NRXN1: variants seen among roughly 807,000 people sequenced by gnomAD.
NRXN1 encodes the protein neurexin 1.
Under a neutral mutation model 150.9 loss-of-function variants are expected in NRXN1, and 39 were observed. The observed-to-expected ratio is 0.26, with a 90% CI of 0.20 to 0.34. The LOEUF (loss-of-function observed/expected upper bound fraction) is 0.34. NRXN1 is among the 10% of genes least tolerant of loss of function. The probability of loss-of-function intolerance (pLI) is 1.00; values close to 1 mark genes in which losing one functional copy is unlikely to be tolerated. For missense variants in NRXN1, 1,815 were observed against 1,949.9 expected (o/e 0.93, Z 1.30); for synonymous variants, 924 against 757.0 (o/e 1.22, Z -3.62).
At chr2:50,830,062 C>CAAATAGAA (rs956878531) in intron 5 of NRXN1, among the ~76,000 whole-genome samples, 9 of 132,772 alleles carry the variant, frequency 6.8e-5, no homozygotes, top group African/African-American at 2.7e-4. Flanking sequence ...CTGGCTGTGG[C>CAAATAGAA]AAATAGAACA....
At chr2:50,070,392 T>G (rs1439727737) in intron 19 of NRXN1, among the ~76,000 whole-genome samples, 1 of 152,148 alleles carries the variant, frequency 6.6e-6, no homozygotes, top group African/African-American at 2.4e-5. Context: ...GATCATGGGA[T>G]CAGTACTTTT....
At chr2:50,287,583 C>T (rs890488608) in intron 17 of NRXN1, among the ~76,000 whole-genome samples, 5 of 152,078 alleles carry the variant, frequency 3.3e-5, no homozygotes, top group African/African-American at 7.2e-5. Context: ...AAAAATAGCA[C>T]GTCTCTCAAG....
At chr2:50,678,717 T>C (rs1327542656) in intron 5 of NRXN1, among the ~76,000 whole-genome samples, 1 of 152,132 alleles carries the variant, frequency 6.6e-6, no homozygotes, top group Non-Finnish European at 1.5e-5. Flanking sequence ...TAATATTCTC[T>C]CCTCTTCCAT....
At chr2:51,007,403 A>G (rs1667191256) in intron 2 of NRXN1, among the ~76,000 whole-genome samples, 1 of 151,946 alleles carries the variant, frequency 6.6e-6, no homozygotes, top group Non-Finnish European at 1.5e-5. Flanking sequence ...GTGATACAAT[A>G]TAGAAACTAT....
intron 19 of NRXN1, among the ~76,000 whole-genome samples, chr2:50,082,487 A>T (rs368623415): frequency 6.6e-6 from 1 of 152,244 alleles, no homozygotes; most frequent in African/African-American, 2.4e-5. Flanking sequence ...TATACTTGGC[A>T]AAAGTTCTTA....
At chr2:49,945,444 A>C (rs995611621) in intron 21 of NRXN1, among the ~76,000 whole-genome samples, 2 of 150,038 alleles carry the variant, frequency 1.3e-5, no homozygotes, top group African/African-American at 4.9e-5. Context: ...CAGCATATGC[A>C]GGTTACATAT....
intron 19 of NRXN1, among the ~76,000 whole-genome samples, chr2:50,079,278 ATAAAG>A (rs1697567544): frequency 6.6e-6 from 1 of 152,082 alleles, no homozygotes; most frequent in Non-Finnish European, 1.5e-5. Flanking sequence ...TCAGGGGTCA[ATAAAG>A]TATGCCCTAC....
chr2:49,993,939 T>C (rs1682481077), intron 21 of NRXN1, among the ~76,000 whole-genome samples: 1 of 152,174 alleles, frequency 6.6e-6, no homozygotes. Context: ...CTGCCTTCTG[T>C]CAACCTTTCA....
At chr2:51,029,659 C>T (rs961062593) in intron 1 of NRXN1, among the ~76,000 whole-genome samples, 6 of 152,182 alleles carry the variant, frequency 3.9e-5, no homozygotes, top group African/African-American at 1.4e-4. Context: ...CCAGCTTAGA[C>T]TTGTATAGCA....
At chr2:50,152,804 T>G (rs2058771778) in intron 18 of NRXN1, among the ~76,000 whole-genome samples, 1 of 151,736 alleles carries the variant, frequency 6.6e-6, no homozygotes, top group Non-Finnish European at 1.5e-5. Flanking sequence ...GTGGTTTCCC[T>G]TTGAATTCAT....
intron 5 of NRXN1, among the ~76,000 whole-genome samples, chr2:50,818,438 A>T (rs994062902): frequency 6.6e-6 from 1 of 151,958 alleles, no homozygotes; most frequent in African/African-American, 2.4e-5. Context: ...TATTATAAAT[A>T]AAATTGGTTT....
intron 2 of NRXN1, among the ~76,000 whole-genome samples, chr2:50,989,676 C>A (rs948461260): frequency 1.1e-4 from 16 of 151,932 alleles, no homozygotes; most frequent in African/African-American, 3.9e-4. Flanking sequence ...TGGATGTACC[C>A]CAGTCTGTCT....
chr2:50,258,365 A>C (rs1356068702), intron 17 of NRXN1, among the ~76,000 whole-genome samples: 1 of 152,072 alleles, frequency 6.6e-6, no homozygotes, highest in Non-Finnish European at 1.5e-5. Flanking sequence ...CTTCATCAGG[A>C]GTACATTTCA....
intron 18 of NRXN1, among the ~76,000 whole-genome samples, chr2:50,147,907 G>C (rs1248165350): frequency 6.6e-6 from 1 of 151,646 alleles, no homozygotes; most frequent in Non-Finnish European, 1.5e-5. Flanking sequence ...GTAGCTGCTT[G>C]TCTCCTGTAG....
chr2:50,610,353 C>T (rs1305330455), intron 8 of NRXN1, among the ~76,000 whole-genome samples: 1 of 151,816 alleles, frequency 6.6e-6, no homozygotes, highest in Non-Finnish European at 1.5e-5. Context: ...AACTAATTCA[C>T]TGAGCTTCAG....
intron 18 of NRXN1, among the ~76,000 whole-genome samples, chr2:50,219,997 TATATTATATA>T (rs1395192369): frequency 3.3e-4 from 13 of 39,576 alleles, no homozygotes; most frequent in Admixed American, 6.3e-4. Context: ...ATATATAATA[TATATTATATA>T]ATATATTATA....
intron 15 of NRXN1, among the ~76,000 whole-genome samples, chr2:50,476,043 A>T (rs2089961861): frequency 6.6e-6 from 1 of 152,088 alleles, no homozygotes; most frequent in Admixed American, 6.6e-5. Flanking sequence ...TCTTCTTCAA[A>T]ATGAGTGGCT....
intron 18 of NRXN1, among the ~76,000 whole-genome samples, chr2:50,107,364 T>C (rs528282566): frequency 3.8e-4 from 57 of 151,568 alleles, no homozygotes; most frequent in Middle Eastern, 6.8e-3. Flanking sequence ...GGAAATTGTA[T>C]CAGGTAAACT....
rs1669239053 is a variant in NRXN1 at position 50,818,401 on chromosome 2, CACTA to C, written c.832+103464_832+103467del. ...CTTTCAACTCCTTGGGTAAGTTTAT[CACTA>C]ACTGTTTTATTATTTTTGTTGATAT... On this transcript the variant is annotated intron_variant, in intron 5 of 22. Transcript: ENST00000401669. 2.6e-5 allele frequency among the ~76,000 whole-genome samples: 4 copies of C among 151,884 alleles called. No homozygotes were observed. In the South Asian group the frequency reaches 8.3e-4, roughly 32 times the overall value.
Sources: gnomAD v4.1 joint callset for allele counts (sites outside exome capture counted in the v4.1 genomes callset) on GRCh38, gnomAD v4.1.1 for gene constraint, MANE v1.5 for transcripts, NCBI Gene and HGNC (gene_info 2026-07-23, HGNC 2026-07-21) for gene names.